Variants in PDS5A observed in about 807,000 individuals in gnomAD.
PDS5A encodes the protein PDS5 cohesin associated factor A, also known as sister chromatid cohesion protein PDS5 homolog A.
PDS5A carries 42 observed loss-of-function variants against 167.1 expected under a neutral mutation model. That is an observed-to-expected ratio of 0.25 (90% confidence interval 0.20 to 0.33). The LOEUF (loss-of-function observed/expected upper bound fraction) is 0.33, where lower values mean the gene tolerates loss of function less well. PDS5A is among the 10% of genes least tolerant of loss of function. The pLI is 1.00. For synonymous variants in PDS5A, 553 were observed against 554.6 expected, an observed-to-expected ratio of 1.00 and a Z score of 0.04; for missense variants, 1,033 against 1,605.9, an observed-to-expected ratio of 0.64 and a Z score of 6.10.
intron 2 of PDS5A, chr4:39,973,176 C>T: frequency 1.9e-6 from 2 of 1,074,338 alleles, no homozygotes; most frequent in Non-Finnish European, 2.9e-6. Context: ...TCTGGGTAGC[C>T]TCTTTAGCTT....
At chr4:39,912,310 T>G (rs1201891863) in intron 9 of PDS5A, among the ~76,000 whole-genome samples, 1 of 152,196 alleles carries the variant, frequency 6.6e-6, no homozygotes, top group Non-Finnish European at 1.5e-5. Flanking sequence ...TTTTTAAAAG[T>G]AACCAAAGTG....
intron 2 of PDS5A, among the ~76,000 whole-genome samples, chr4:39,965,027 A>AC (rs1427807878): frequency 6.6e-6 from 1 of 152,218 alleles, no homozygotes; most frequent in Non-Finnish European, 1.5e-5. Context: ...CTCCTGTGGT[A>AC]GACTAATCAT....
At chr4:39,853,205 T>C (rs553345203) in intron 26 of PDS5A, among the ~76,000 whole-genome samples, 37 of 152,300 alleles carry the variant, frequency 2.4e-4, no homozygotes, top group Non-Finnish European at 4.7e-4. Flanking sequence ...CCTCTCAACA[T>C]TTTAATCACT....
chr4:39,962,063 G>T (rs931954875), intron 2 of PDS5A, among the ~76,000 whole-genome samples: 25 of 146,122 alleles, frequency 1.7e-4, no homozygotes, highest in Admixed American at 1.2e-3. Context: ...CTGAGTTTTT[G>T]TTTTTTTTTT....
At chr4:39,867,774 A>ACACACACACCCC (rs369419469) in intron 22 of PDS5A, among the ~76,000 whole-genome samples, 2 of 108,524 alleles carry the variant, frequency 1.8e-5, no homozygotes, top group East Asian at 2.4e-4. Context: ...ACACACACAC[A>ACACACACACCCC]CCCCACAACT....
chr4:39,885,672 T>C (rs1721392778), intron 17 of PDS5A, among the ~76,000 whole-genome samples: 1 of 152,080 alleles, frequency 6.6e-6, no homozygotes, highest in Non-Finnish European at 1.5e-5. Context: ...CCCAACACTT[T>C]TGGAGGCCGA....
At chr4:39,840,564 T>G (rs1716901515) in intron 31 of PDS5A, among the ~76,000 whole-genome samples, 1 of 151,534 alleles carries the variant, frequency 6.6e-6, no homozygotes, top group Non-Finnish European at 1.5e-5. Flanking sequence ...CCCAGCTAAT[T>G]TTTGTATTTT....
chr4:39,953,365 G>A (rs1728597379), intron 2 of PDS5A, among the ~76,000 whole-genome samples: 1 of 152,016 alleles, frequency 6.6e-6, no homozygotes, highest in African/African-American at 2.4e-5. Flanking sequence ...AACTATTTCT[G>A]GAGCTCATCA....
At chr4:39,881,351 GTT>G (rs777984259) in intron 17 of PDS5A, among the ~76,000 whole-genome samples, 1 of 143,432 alleles carries the variant, frequency 7.0e-6, no homozygotes, top group Non-Finnish European at 1.5e-5. Flanking sequence ...GTATTTTTTA[GTT>G]TTTTTTTTTT....
intron 2 of PDS5A, among the ~76,000 whole-genome samples, chr4:39,974,669 C>G (rs1232124306): frequency 2.0e-5 from 3 of 152,020 alleles, no homozygotes. Flanking sequence ...CTCAGCCTCC[C>G]AGTAGCTAGG....
At position 39,894,147 on chromosome 4, in the gene PDS5A, C is replaced by G. The variant is rs149169206; in HGVS notation, c.1771-3783G>C. ...GCTTATTGGGCATGGTGGATCATGC[C>G]TGTAATCCCACTACTTTGGGAGGCC... On this transcript the variant is annotated intron_variant, in intron 16 of 32. Coordinates refer to ENST00000303538, the MANE Select transcript of PDS5A (RefSeq NM_001100399.2). Among the ~76,000 whole-genome samples, 543 of 152,312 alleles carry G rather than the reference C, an allele frequency of 3.6e-3. 3 individuals carry two copies. Among genetic ancestry groups the G allele is most frequent in the African/African-American group, 0.012 (511 of 41,562 alleles).
At chr4:39,835,805 G>A (rs993171651) in intron 32 of PDS5A, among the ~76,000 whole-genome samples, 1 of 152,214 alleles carries the variant, frequency 6.6e-6, no homozygotes, top group African/African-American at 2.4e-5. Flanking sequence ...TTACAGGCGT[G>A]AGCCACCGTG....
At chr4:39,826,480 T>TATTTATTTATTTATTG (rs1715334284) in intron 32 of PDS5A, among the ~76,000 whole-genome samples, 2 of 150,244 alleles carry the variant, frequency 1.3e-5, no homozygotes, top group South Asian at 4.3e-4. Context: ...CATTTTTATT[T>TATTTATTTATTTATTG]ATTTATTTAT....
chr4:39,874,314 T>G lies in PDS5A; in HGVS notation c.2252A>C (p.Glu751Ala). The G allele has an allele frequency of 6.2e-7, 1 of 1,613,214 alleles. No individual in the cohort carries two copies. The highest frequency in any genetic ancestry group is 8.5e-7 in the Non-Finnish European group (1 of 1,179,238). ...CTCAAAAATCTGTGCAAGCTGGACT[T>G]CTTTATTTGTGAATATGGCGTGTAT... Reference protein sequence around the residue: ...HCIHAIFTNKEVQLAQIFEPL... With the variant: ...HCIHAIFTNKAVQLAQIFEPL... Residue 751 changes from glutamate to alanine, a missense_variant, in exon 20 of 33, where the codon GAA becomes GCA. By Grantham distance (107) the Glu-to-Ala change is moderately radical (BLOSUM62 -1). This residue lies in a region of PDS5A where 367 missense variants were observed against 686.7 expected (regional missense o/e 0.53). Transcript: ENST00000303538.
chr4:39,890,431 T>A, intron 16 of PDS5A, 67 bp from the exon 17 acceptor site: 1 of 850,308 alleles, frequency 1.2e-6, no homozygotes, highest in Non-Finnish European at 1.9e-6. Context: ...GAAAAATGAC[T>A]AAGGAACTGA....
intron 2 of PDS5A, among the ~76,000 whole-genome samples, chr4:39,935,140 TTGAC>T (rs1726472058): frequency 1.3e-5 from 2 of 152,314 alleles, no homozygotes; most frequent in East Asian, 1.9e-4. Flanking sequence ...GATTGATTGA[TTGAC>T]TGATTGGGAC....
At chr4:39,881,545 A>G (rs1299073782) in intron 17 of PDS5A, among the ~76,000 whole-genome samples, 1 of 152,084 alleles carries the variant, frequency 6.6e-6, no homozygotes, top group Non-Finnish European at 1.5e-5. Context: ...TATAAACATT[A>G]ACTTAAAGTA....
At chr4:39,976,638 G>C (rs1731115765) in intron 1 of PDS5A, 21 bp from the exon 2 acceptor site, 30 of 1,386,850 alleles carry the variant, frequency 2.2e-5, no homozygotes, top group Non-Finnish European at 3.0e-5. Flanking sequence ...GAAAACCAAA[G>C]TTCAGCGGGA....
At chr4:39,956,150 A>G (rs1213366980) in intron 2 of PDS5A, among the ~76,000 whole-genome samples, 1 of 151,868 alleles carries the variant, frequency 6.6e-6, no homozygotes, top group African/African-American at 2.4e-5. Flanking sequence ...AAAAAACAGT[A>G]TAAGAAAAAC....
Sources: gnomAD v4.1 joint callset for allele counts (sites outside exome capture counted in the v4.1 genomes callset) on GRCh38, gnomAD v4.1.1 for gene constraint, gnomAD v4.1.1 regional missense constraint, MANE v1.5 for transcripts, NCBI Gene and HGNC (gene_info 2026-07-23, HGNC 2026-07-21) for gene names.